The following AFF1 variants were observed in gnomAD, a reference collection of about 807,000 sequenced individuals.
AFF1 encodes the protein ALF transcription elongation factor 1.
Under a neutral mutation model 121.7 loss-of-function variants are expected in AFF1, and 48 were observed. The ratio of observed to expected loss-of-function variants is 0.39; its 90% CI spans 0.31 to 0.50. The LOEUF (loss-of-function observed/expected upper bound fraction) is 0.50. Among genes scored for constraint, AFF1 ranks in the 20% least tolerant of loss-of-function variants. The pLI is 0.76. For missense variants in AFF1, 1,523 were observed against 1,511.7 expected, an observed-to-expected ratio of 1.01 and a Z score of -0.12; for synonymous variants, 613 against 563.0, an observed-to-expected ratio of 1.09 and a Z score of -1.26.
chr4:86,978,136 C>A (rs1723442074), intron 2 of AFF1, among the ~76,000 whole-genome samples: 1 of 136,008 alleles, frequency 7.4e-6, no homozygotes, highest in Admixed American at 7.8e-5. Flanking sequence ...AATGATGTCT[C>A]ATTGATGGTA....
At chr4:86,992,776 C>T (rs1724827926) in intron 2 of AFF1, among the ~76,000 whole-genome samples, 1 of 152,202 alleles carries the variant, frequency 6.6e-6, no homozygotes. Context: ...AATTCTTAAA[C>T]ATGATGTATA....
intron 2 of AFF1, among the ~76,000 whole-genome samples, chr4:86,972,787 A>G (rs770253936): frequency 6.6e-6 from 1 of 152,084 alleles, no homozygotes; most frequent in Non-Finnish European, 1.5e-5. Flanking sequence ...TGATCTGCCC[A>G]TATCTACCTC....
chr4:86,937,143 A>G (rs1258358641), intron 1 of AFF1, among the ~76,000 whole-genome samples: 1 of 152,156 alleles, frequency 6.6e-6, no homozygotes, highest in Non-Finnish European at 1.5e-5. Flanking sequence ...CACCTGCAAG[A>G]AAATGAACTG....
intron 2 of AFF1, among the ~76,000 whole-genome samples, chr4:87,009,492 T>G (rs540490135): frequency 7.3e-4 from 111 of 152,332 alleles, no homozygotes; most frequent in Non-Finnish European, 1.3e-3. Flanking sequence ...AGGAGAATTG[T>G]GCTTATTTCT....
At chr4:87,008,156 C>A (rs1402699890) in intron 2 of AFF1, among the ~76,000 whole-genome samples, 1 of 152,180 alleles carries the variant, frequency 6.6e-6, no homozygotes, top group Non-Finnish European at 1.5e-5. Flanking sequence ...TTAGTTTTGA[C>A]AGCAGTTGGT....
At chr4:86,994,321 C>T (rs754056681) in intron 2 of AFF1, among the ~76,000 whole-genome samples, 30 of 152,246 alleles carry the variant, frequency 2.0e-4, no homozygotes, top group Non-Finnish European at 3.5e-4. Context: ...GAGCGGAGTC[C>T]TTCACACACT....
chr4:87,022,604 GTATA>G (rs1728092567), intron 2 of AFF1, among the ~76,000 whole-genome samples: 1 of 97,984 alleles, frequency 1.0e-5, no homozygotes, highest in Admixed American at 1.1e-4. Flanking sequence ...CTATCTGTGT[GTATA>G]TATATCTGTG....
chr4:87,006,877 T>C (rs940126718), intron 2 of AFF1: 22 of 855,704 alleles, frequency 2.6e-5, no homozygotes, highest in Non-Finnish European at 3.1e-5. Context: ...CCGCCTGCCT[T>C]TGGCTAGGGC....
intron 4 of AFF1, among the ~76,000 whole-genome samples, chr4:87,078,107 C>A (rs1201421127): frequency 6.6e-6 from 1 of 152,138 alleles, no homozygotes; most frequent in Non-Finnish European, 1.5e-5. Context: ...GCCTATTTCC[C>A]CATGTCTATC....
chr4:87,080,351 G>A (rs1723047314), intron 4 of AFF1, among the ~76,000 whole-genome samples: 1 of 152,162 alleles, frequency 6.6e-6, no homozygotes, highest in Non-Finnish European at 1.5e-5. Context: ...GTTGCTTTTT[G>A]TCATTTTGTG....
At chr4:86,956,605 C>T (rs1560500438) in intron 2 of AFF1, among the ~76,000 whole-genome samples, 1 of 152,162 alleles carries the variant, frequency 6.6e-6, no homozygotes, top group African/African-American at 2.4e-5. Flanking sequence ...TTTTCATTCC[C>T]AGCCCCAGGT....
At chr4:86,985,159 A>G (rs928638266) in intron 2 of AFF1, among the ~76,000 whole-genome samples, 2 of 14,248 alleles carry the variant, frequency 1.4e-4, no homozygotes, top group Non-Finnish European at 2.2e-3. Flanking sequence ...ATATAAAAAT[A>G]TAATATATAT....
chr4:86,991,834 CTTTTTTT>C (rs34804329), intron 2 of AFF1, among the ~76,000 whole-genome samples: 3 of 113,708 alleles, frequency 2.6e-5, no homozygotes, highest in Admixed American at 9.2e-5. Flanking sequence ...CTTCAAATTG[CTTTTTTT>C]TTTTTTTTTT....
intron 4 of AFF1, among the ~76,000 whole-genome samples, chr4:87,062,404 A>T (rs1424636020): frequency 6.6e-6 from 1 of 152,060 alleles, no homozygotes; most frequent in African/African-American, 2.4e-5. Flanking sequence ...CTCATGACCT[A>T]AGCACCTCCC....
Position 86,998,321 on chromosome 4 carries a change from G to C in AFF1, c.39-47845G>C, listed in dbSNP as rs79507527. ...CAAGCTAGTCTCGCTAGAAGAAAGAGCATTCTTGCATGGAGAAGTGGATTA... is the reference window on the plus strand; with the variant it reads ...CAAGCTAGTCTCGCTAGAAGAAAGACCATTCTTGCATGGAGAAGTGGATTA... On this transcript the variant is annotated intron_variant, in intron 2 of 20. Coordinates refer to ENST00000395146, the MANE Select transcript of AFF1 (RefSeq NM_001166693.3). Among the ~76,000 whole-genome samples the C allele has an allele frequency of 2.6e-3, 391 of 152,246 alleles. 5 individuals are homozygous for C. The highest frequency in any genetic ancestry group is 8.2e-3 in the African/African-American group (341 of 41,534).
intron 14 of AFF1, 93 bp from the exon 15 acceptor site, chr4:87,126,933 C>CT: frequency 9.4e-7 from 1 of 1,065,822 alleles, no homozygotes; most frequent in South Asian, 1.4e-5. Flanking sequence ...TTTTTTGAAA[C>CT]TACTATTTCG....
intron 2 of AFF1, among the ~76,000 whole-genome samples, chr4:86,977,200 TATATAGTATGTATTTTCAATCTC>T: frequency 6.6e-6 from 1 of 152,254 alleles, no homozygotes; most frequent in Admixed American, 6.5e-5. Flanking sequence ...CCCTATACAC[TATATAGTATGTATTTTCAATCTC>T]ATAACTGAAA....
At chr4:87,089,042 C>T (rs564263581) in intron 5 of AFF1, among the ~76,000 whole-genome samples, 2 of 152,258 alleles carry the variant, frequency 1.3e-5, no homozygotes, top group East Asian at 1.9e-4. Flanking sequence ...TGCGCCCGGC[C>T]GCATGTCGAG....
chr4:87,004,418 C>T (rs138988976), intron 2 of AFF1, among the ~76,000 whole-genome samples: 1 of 152,016 alleles, frequency 6.6e-6, no homozygotes, highest in Admixed American at 6.6e-5. Flanking sequence ...AAACCCATTA[C>T]ATATTGACCT....
Sources: allele counts gnomAD v4.1 joint callset (sites outside exome capture counted in the v4.1 genomes callset), GRCh38; gene constraint gnomAD v4.1.1; transcripts MANE v1.5; gene names NCBI Gene and HGNC (gene_info 2026-07-23, HGNC 2026-07-21).